PLCB1: variants seen among roughly 807,000 people sequenced by gnomAD.
PLCB1 encodes the protein 1-phosphatidylinositol 4,5-bisphosphate phosphodiesterase beta-1.
A neutral mutation model predicts 161.8 loss-of-function variants in PLCB1; 46 were observed. The ratio of observed to expected loss-of-function variants is 0.28; its 90% CI spans 0.22 to 0.36. The LOEUF (loss-of-function observed/expected upper bound fraction) is 0.36. PLCB1 is among the 10% of genes least tolerant of loss of function. The probability of loss-of-function intolerance (pLI) is 1.00; values close to 1 mark genes in which losing one functional copy is unlikely to be tolerated. For synonymous variants in PLCB1, 517 were observed against 503.7 expected (o/e 1.03, Z -0.35); for missense variants, 1,016 against 1,472.5 (o/e 0.69, Z 5.07).
intron 31 of PLCB1, among the ~76,000 whole-genome samples, chr20:8,808,694 T>C (rs1372817478): frequency 6.6e-6 from 1 of 152,200 alleles, no homozygotes; most frequent in Non-Finnish European, 1.5e-5. Flanking sequence ...GTAACAGGTA[T>C]AAAAAATACC....
At chr20:8,209,921 T>G (rs1035371094) in intron 2 of PLCB1, among the ~76,000 whole-genome samples, 1 of 152,080 alleles carries the variant, frequency 6.6e-6, no homozygotes, top group Non-Finnish European at 1.5e-5. Context: ...CTATATAACA[T>G]TGAACTGCTG....
intron 3 of PLCB1, among the ~76,000 whole-genome samples, chr20:8,595,098 TTTA>T (rs552381845): frequency 8.2e-4 from 124 of 152,104 alleles, no homozygotes; most frequent in African/African-American, 2.8e-3. Context: ...ATACAAAATA[TTTA>T]TTTATTTTTT....
intron 4 of PLCB1, among the ~76,000 whole-genome samples, chr20:8,644,350 G>A (rs1321600078): frequency 2.0e-5 from 3 of 149,726 alleles, no homozygotes; most frequent in African/African-American, 5.0e-5. Context: ...AGGAAGTGAG[G>A]AGCGCCTCTT....
intron 4 of PLCB1, among the ~76,000 whole-genome samples, chr20:8,632,695 C>A (rs943302752): frequency 6.6e-6 from 1 of 152,116 alleles, no homozygotes; most frequent in Non-Finnish European, 1.5e-5. Context: ...CAGCACTGCG[C>A]TTGCACTACA....
At chr20:8,210,028 G>T (rs954416724) in intron 2 of PLCB1, among the ~76,000 whole-genome samples, 9 of 151,988 alleles carry the variant, frequency 5.9e-5, no homozygotes, top group African/African-American at 2.2e-4. Context: ...TGTAGAGATG[G>T]GGTATTATTA....
chr20:8,144,298 G>A (rs368220860), intron 1 of PLCB1, among the ~76,000 whole-genome samples: 2 of 152,096 alleles, frequency 1.3e-5, no homozygotes, highest in Non-Finnish European at 1.5e-5. Context: ...GGAGCACCTC[G>A]GTTGATTTGG....
At chr20:8,359,978 A>G (rs567528116) in intron 2 of PLCB1, among the ~76,000 whole-genome samples, 1 of 152,318 alleles carries the variant, frequency 6.6e-6, no homozygotes, top group Admixed American at 6.5e-5. Context: ...ACCCAGATGC[A>G]AGGGGTTGTA....
intron 11 of PLCB1, among the ~76,000 whole-genome samples, chr20:8,698,455 T>G (rs927448139): frequency 2.0e-5 from 3 of 152,194 alleles, no homozygotes; most frequent in Admixed American, 1.3e-4. Flanking sequence ...AACTCTAGAT[T>G]TGTTGGCTTT....
intron 2 of PLCB1, among the ~76,000 whole-genome samples, chr20:8,324,616 C>G (rs1177565276): frequency 1.3e-5 from 2 of 152,058 alleles, no homozygotes; most frequent in Non-Finnish European, 2.9e-5. Context: ...CTGGGGACTT[C>G]CTGATTATTT....
chr20:8,299,059 A>C (rs1369648063), intron 2 of PLCB1, among the ~76,000 whole-genome samples: 1 of 152,152 alleles, frequency 6.6e-6, no homozygotes, highest in East Asian at 1.9e-4. Flanking sequence ...TTTTCTGAAG[A>C]AGTAGCAAAA....
chr20:8,214,007 A>C (rs1978980294), intron 2 of PLCB1, among the ~76,000 whole-genome samples: 1 of 152,070 alleles, frequency 6.6e-6, no homozygotes, highest in African/African-American at 2.4e-5. Flanking sequence ...TAAATATTAG[A>C]CCAAAGCAGG....
rs73597530 is a variant in PLCB1, at chr20:8,651,328, T to C, written c.594+1879T>C. The C allele has an allele frequency of 3.9e-3, 2,605 of 661,544 alleles. 42 individuals are homozygous for C. In the African/African-American group the frequency reaches 0.041, roughly 10 times the overall value. The allele number at this position is 661,544 out of a possible 1,614,324, so 41.0% of individuals were successfully genotyped here. A position where few individuals can be genotyped will look rare whatever the true frequency, so the allele number is the denominator to read the frequency against. ...AGCCAATTATTGTTGTGAAGACTTT[T>C]CAAAACAGCAAAGTTCATTAACAAC... On this transcript the variant is annotated intron_variant, in intron 7 of 31. Coordinates refer to ENST00000338037, the MANE Select transcript of PLCB1 (RefSeq NM_015192.4).
At chr20:8,254,158 C>T (rs1568606669) in intron 2 of PLCB1, among the ~76,000 whole-genome samples, 1 of 151,918 alleles carries the variant, frequency 6.6e-6, no homozygotes, top group African/African-American at 2.4e-5. Context: ...TAAATCTTCA[C>T]GTGACTCTTG....
intron 2 of PLCB1, among the ~76,000 whole-genome samples, chr20:8,273,267 G>C (rs9680000): frequency 0.11 from 16,735 of 152,080 alleles, 1,105 homozygotes; most frequent in East Asian, 0.18. Flanking sequence ...GTATGTAACC[G>C]TCATTTTATG....
chr20:8,181,762 T>G (rs1018663223), intron 2 of PLCB1, among the ~76,000 whole-genome samples: 1 of 151,514 alleles, frequency 6.6e-6, no homozygotes, highest in African/African-American at 2.4e-5. Flanking sequence ...ATCACCTGAG[T>G]CCAGGAGTGC....
At position 8,792,598 on chromosome 20, in the gene PLCB1, A is replaced by G. The variant is rs1479026238; in HGVS notation, c.3423+2337A>G. 10 of 471,178 alleles carry G rather than the reference A, an allele frequency of 2.1e-5. No individual in the cohort carries two copies. In the East Asian group the frequency reaches 6.9e-4, roughly 33 times the overall value. The allele number at this position is 471,178 out of a possible 1,614,324, so 29.2% of individuals were successfully genotyped here. Reference sequence around the variant, plus strand: ...TTTATTGTAAATAGGTACCATGATGAATTCCTCTGTGCTTTTCTTCCATGA... The same window carrying G: ...TTTATTGTAAATAGGTACCATGATGGATTCCTCTGTGCTTTTCTTCCATGA... On this transcript the variant is annotated intron_variant, in intron 31 of 31. Transcript: ENST00000338037.
chr20:8,614,575 T>C (rs984484513), intron 3 of PLCB1, among the ~76,000 whole-genome samples: 7 of 145,400 alleles, frequency 4.8e-5, no homozygotes, highest in Non-Finnish European at 3.0e-5. Context: ...ATTCTAGTTA[T>C]GTAAAATTCT....
At chr20:8,393,379 A>G (rs1355713556) in intron 3 of PLCB1, among the ~76,000 whole-genome samples, 1 of 152,170 alleles carries the variant, frequency 6.6e-6, no homozygotes, top group East Asian at 1.9e-4. Flanking sequence ...AATAGATGCT[A>G]TAAAAATGTC....
Position 8,729,121 on chromosome 20 carries a change from A to AGCTCTTC in PLCB1, c.1836_1842dup (p.Trp615AlafsTer13). The AGCTCTTC allele has an allele frequency of 6.2e-7, 1 of 1,612,538 alleles. No homozygotes were observed. The highest frequency in any genetic ancestry group is 8.5e-7 in the Non-Finnish European group (1 of 1,178,874). ...GTGGATTCATCCAACTATATGCCTC[A>AGCTCTTC]GCTCTTCTGGAATGCAGGTTGTCAG... On this transcript the variant is annotated frameshift_variant, in exon 18 of 32. Coordinates refer to ENST00000338037, the MANE Select transcript of PLCB1 (RefSeq NM_015192.4). LOFTEE classifies it high-confidence loss of function.
Sources: allele counts gnomAD v4.1 joint callset (sites outside exome capture counted in the v4.1 genomes callset), GRCh38; gene constraint gnomAD v4.1.1; transcripts MANE v1.5; gene names NCBI Gene and HGNC (gene_info 2026-07-23, HGNC 2026-07-21).